TRA2A: variants seen among roughly 807,000 people sequenced by gnomAD.
TRA2A encodes the protein transformer-2 protein homolog alpha.
In TRA2A, 31 loss-of-function variants were observed where a neutral mutation model predicts 45.7. That is an observed-to-expected ratio of 0.68 (90% CI 0.51 to 0.92). TRA2A has a LOEUF of 0.92. Ranked by LOEUF, TRA2A falls within the 40% of genes least tolerant of loss-of-function variation. The pLI is 0.00. For synonymous variants in TRA2A, 132 were observed against 126.2 expected (o/e 1.05, Z -0.31); for missense variants, 304 against 367.5 (o/e 0.83, Z 1.41).
rs777265656 is a variant in TRA2A, at chr7:23,531,871, C to G, written c.-47G>C. On this transcript the variant is annotated 5_prime_UTR_variant, in exon 1 of 8. Transcript: ENST00000297071. Reference sequence around the variant, plus strand: ...ACTAAATAAGAGACAAGTCTCGGCTCGAGGGCCGATGGCCTAATTAACCCG... The same window carrying G: ...ACTAAATAAGAGACAAGTCTCGGCTGGAGGGCCGATGGCCTAATTAACCCG... The G allele has an allele frequency of 6.2e-7, 1 of 1,608,242 alleles. No individual in the cohort carries two copies. Among genetic ancestry groups the G allele is most frequent in the Non-Finnish European group, 8.5e-7 (1 of 1,176,770 alleles).
chr7:23,506,446 T>C (rs1358773856), intron 5 of TRA2A, 180 bp from the exon 6 acceptor site: 8 of 620,114 alleles, frequency 1.3e-5, no homozygotes, highest in Non-Finnish European at 2.0e-5. Flanking sequence ...ATTCCCTACA[T>C]ACATAATCAA....
rs777372784 is a variant in TRA2A at position 23,512,999 on chromosome 7, A to G, written c.420T>C (p.Ser140=). 5 of 1,614,084 alleles carry G rather than the reference A, an allele frequency of 3.1e-6. No individual in the cohort carries two copies. The highest frequency in any genetic ancestry group is 4.2e-6 in the Non-Finnish European group (5 of 1,179,978). The change falls in exon 4 of 8, where the codon TCT becomes TCC. Residue 140 remains serine (S), a synonymous_variant. Transcript: ENST00000297071. The part of the protein sequence containing the change: ...TTERDLREVF[S]RYGPLSGVNV... ...TGACACCACTCAATGGTCCATATCG[A>G]GAAAATACTTCACGAAGATCCCTCT...
At chr7:23,531,314 C>T in intron 1 of TRA2A, 1 of 929,252 alleles carries the variant, frequency 1.1e-6, no homozygotes, top group Non-Finnish European at 1.3e-6. Context: ...GCTAGTCCCA[C>T]GCCAGCTTCT....
At chr7:23,514,750 T>C (rs1371305117) in intron 3 of TRA2A, among the ~76,000 whole-genome samples, 5 of 152,166 alleles carry the variant, frequency 3.3e-5, no homozygotes, top group South Asian at 2.1e-4. Flanking sequence ...CGTGAGCCAA[T>C]ATGCCTGGCC....
chr7:23,515,924 C>T (rs532737460), intron 3 of TRA2A, among the ~76,000 whole-genome samples: 283 of 151,880 alleles, frequency 1.9e-3, no homozygotes, highest in Middle Eastern at 3.4e-3. Flanking sequence ...CCTGTAACCC[C>T]AGCACTTTGG....
At chr7:23,531,310 C>G (rs1790572166) in intron 1 of TRA2A, 2 of 940,040 alleles carry the variant, frequency 2.1e-6, no homozygotes, top group Non-Finnish European at 2.6e-6. Context: ...CCCAGCTAGT[C>G]CCACGCCAGC....
At chr7:23,524,246 C>T (rs138857110) in intron 1 of TRA2A, among the ~76,000 whole-genome samples, 67 of 152,120 alleles carry the variant, frequency 4.4e-4, no homozygotes, top group African/African-American at 1.5e-3. Flanking sequence ...TGTAATGGTG[C>T]GATCTAGGCT....
intron 1 of TRA2A, chr7:23,531,145 A>T: frequency 1.1e-6 from 1 of 893,282 alleles, no homozygotes; most frequent in African/African-American, 1.8e-5. Context: ...CTCTCGTCTT[A>T]AGAACGCTTA....
intron 2 of TRA2A, among the ~76,000 whole-genome samples, chr7:23,517,393 G>A (rs1047525404): frequency 1.4e-5 from 2 of 145,068 alleles, no homozygotes; most frequent in African/African-American, 2.6e-5. Context: ...GCAGGAAATG[G>A]CGCGAACCCA....
chr7:23,513,683 T>A (rs768422552), intron 3 of TRA2A, among the ~76,000 whole-genome samples: 8 of 152,250 alleles, frequency 5.3e-5, no homozygotes, highest in Middle Eastern at 3.4e-3. Flanking sequence ...CATTTTTATT[T>A]TCTGTAGAAA....
chr7:23,528,824 C>T (rs901311413), intron 1 of TRA2A, among the ~76,000 whole-genome samples: 5 of 152,136 alleles, frequency 3.3e-5, no homozygotes, highest in South Asian at 2.1e-4. Flanking sequence ...TGTGCCACCC[C>T]GCAGGGCCTG....
chr7:23,527,897 T>A (rs1392432530), intron 1 of TRA2A, among the ~76,000 whole-genome samples: 3 of 152,196 alleles, frequency 2.0e-5, no homozygotes, highest in African/African-American at 4.8e-5. Context: ...TATAAAAATT[T>A]GAGATTTTAA....
rs1360851945 is a variant in TRA2A, at chr7:23,531,971, T to A, written c.-147A>T. On this transcript the variant is annotated 5_prime_UTR_variant, in exon 1 of 8. Transcript: ENST00000297071. ...ACTCCACTCCCACTCGGTCGCAGGC[T>A]CCAGCAAAATGGCGCCGGCGCCGCC... 8 of 823,080 alleles carry A rather than the reference T, an allele frequency of 9.7e-6. No homozygotes were observed. In the East Asian group the frequency reaches 2.1e-4, roughly 22 times the overall value. The allele number at this position is 823,080 out of a possible 1,614,324, so 51.0% of individuals were successfully genotyped here. A position where few individuals can be genotyped will look rare whatever the true frequency, so the allele number is the denominator to read the frequency against.
At chr7:23,521,323 T>C (rs1220638034) in intron 2 of TRA2A, among the ~76,000 whole-genome samples, 1 of 152,268 alleles carries the variant, frequency 6.6e-6, no homozygotes, top group Admixed American at 6.5e-5. Context: ...ATTGTTGGCA[T>C]AGAAACCAGA....
rs1790608300 is a variant in TRA2A, at chr7:23,531,943, T to C, written c.-119A>G. On this transcript the variant is annotated 5_prime_UTR_variant, in exon 1 of 8. Transcript: ENST00000297071. ...GGAAAGAGTCGGCAACCACAGCCGC[T>C]CCACTCCACTCCCACTCGGTCGCAG... 1 of 1,049,036 alleles carries C rather than the reference T, an allele frequency of 9.5e-7. No homozygotes were observed. The highest frequency in any genetic ancestry group is 1.4e-6 in the Non-Finnish European group (1 of 704,098). The allele number at this position is 1,049,036 out of a possible 1,614,324, so 65.0% of individuals were successfully genotyped here.
At chr7:23,505,681 T>C (rs2127989838) in intron 7 of TRA2A, 65 bp downstream of exon 7, 1 of 1,043,670 alleles carries the variant, frequency 9.6e-7, no homozygotes, top group Non-Finnish European at 1.4e-6. Context: ...TATACTCTAA[T>C]ATTCTAAAGT....
intron 3 of TRA2A, among the ~76,000 whole-genome samples, chr7:23,513,673 C>T (rs975393282): frequency 3.3e-5 from 5 of 151,828 alleles, no homozygotes; most frequent in Non-Finnish European, 7.4e-5. Context: ...TTAGTAAGGC[C>T]ATTTTTATTT....
chr7:23,516,566 A>G (rs756341715), intron 2 of TRA2A, 38 bp from the exon 3 acceptor site: 2 of 1,595,576 alleles, frequency 1.3e-6, no homozygotes, highest in South Asian at 2.2e-5. Context: ...ATACTGAAAC[A>G]AAATGGCTAA....
At chr7:23,520,697 T>A (rs1276149420) in intron 2 of TRA2A, among the ~76,000 whole-genome samples, 22 of 151,338 alleles carry the variant, frequency 1.5e-4, no homozygotes, top group Non-Finnish European at 2.5e-4. Flanking sequence ...TTTTTTTTTT[T>A]TTTTTTTTTT....
Sources: allele counts gnomAD v4.1 joint callset (sites outside exome capture counted in the v4.1 genomes callset), GRCh38; gene constraint gnomAD v4.1.1; transcripts MANE v1.5; gene names NCBI Gene and HGNC (gene_info 2026-07-23, HGNC 2026-07-21).